Variants in SLC16A5 observed in about 807,000 individuals in gnomAD.
The protein encoded by SLC16A5 is solute carrier family 16 member 5.
SLC16A5 carries 29 observed loss-of-function variants against 33.2 expected under a neutral mutation model. That is an observed-to-expected ratio of 0.87 (90% CI 0.65 to 1.19). SLC16A5 has a LOEUF of 1.19. Ranked by LOEUF, SLC16A5 falls within the 50% of genes most tolerant of loss-of-function variation. The pLI is 0.00. For missense variants in SLC16A5, 606 were observed against 678.2 expected, an observed-to-expected ratio of 0.89 and a Z score of 1.18; for synonymous variants, 248 against 284.1, an observed-to-expected ratio of 0.87 and a Z score of 1.28.
chr17:75,097,451 A>C (rs905709276), intron 3 of SLC16A5, among the ~76,000 whole-genome samples: 12 of 142,464 alleles, frequency 8.4e-5, no homozygotes, highest in African/African-American at 3.1e-4. Flanking sequence ...GGAGGGGAGA[A>C]CCTACCCTGC....
At chr17:75,096,976 C>A (rs992038777) in intron 3 of SLC16A5, among the ~76,000 whole-genome samples, 1 of 151,164 alleles carries the variant, frequency 6.6e-6, no homozygotes, top group African/African-American at 2.4e-5. Flanking sequence ...CAGGCACGCA[C>A]CACCATGCCT....
chr17:75,104,352 A>C, intron 6 of SLC16A5, 172 bp downstream of exon 6: 1 of 1,434,348 alleles, frequency 7.0e-7, no homozygotes, highest in East Asian at 2.6e-5. Flanking sequence ...AGGCTCTGCA[A>C]GCTGGGACTC....
At chr17:75,087,816 GGA>G (rs1397923755), upstream of SLC16A5, 2 of 152,612 alleles carry the variant, frequency 1.3e-5, no homozygotes, top group Non-Finnish European at 2.9e-5. Flanking sequence ...CCCTGCTGCT[GGA>G]CTGTCCCCGG....
Position 75,100,850 on chromosome 17 carries a change from G to A in SLC16A5, c.1153+34G>A, listed in dbSNP as rs376293724. 4.8e-5 allele frequency: 73 copies of A among 1,520,348 alleles called. 1 individual carries two copies. The Admixed American group carries it at 1.4e-3, about 29-fold the overall frequency. 94.2% of individuals were successfully genotyped at this position (1,520,348 alleles called of 1,614,324 possible). ...CTGGGAGGGAGGGCAGCCAGATAGT[G>A]TGGTAAAAGGGGAACAGTTTAGACA... is the stretch of plus-strand genomic sequence containing the variant. On this transcript the variant is annotated intron_variant, in intron 5 of 6. Transcript: ENST00000329783.
intron 2 of SLC16A5, 99 bp from the exon 3 acceptor site, chr17:75,093,489 AT>A: frequency 6.5e-7 from 1 of 1,536,460 alleles, no homozygotes. Context: ...GTACTTGGGT[AT>A]GAGGAAGGGA....
intron 6 of SLC16A5, chr17:75,104,415 CTTTTT>C (rs577017676): frequency 7.9e-4 from 790 of 999,694 alleles, no homozygotes; most frequent in Admixed American, 2.2e-3. Context: ...CTGAGAAACT[CTTTTT>C]TTTTTTTTTT....
chr17:75,097,336 T>C (rs1279788281), intron 3 of SLC16A5, among the ~76,000 whole-genome samples: 1 of 151,428 alleles, frequency 6.6e-6, no homozygotes, highest in African/African-American at 2.4e-5. Flanking sequence ...TTTTTTGGGG[T>C]GTGGATTGGT....
chr17:75,095,457 C>T (rs915327363), intron 3 of SLC16A5, among the ~76,000 whole-genome samples: 4 of 152,226 alleles, frequency 2.6e-5, no homozygotes. Context: ...TGAGCCCGTG[C>T]TCATTCAGAG....
chr17:75,105,868 T>G lies in SLC16A5; in HGVS notation c.1365-12T>G. ...AGAAAACCTTATCAGGAGATTTTAT[T>G]TTCATGAACAGGTGCCAGTCTTCCC... On this transcript the variant is annotated splice_polypyrimidine_tract_variant and intron_variant, in intron 6 of 6. Coordinates refer to ENST00000329783, the MANE Select transcript of SLC16A5 (RefSeq NM_004695.4). The G allele has an allele frequency of 1.3e-6, 2 of 1,577,996 alleles. No homozygotes were observed. Among genetic ancestry groups the G allele is most frequent in the Non-Finnish European group, 1.7e-6 (2 of 1,158,034 alleles).
At chr17:75,105,522 G>A (rs9912861) in intron 6 of SLC16A5, 17,433 of 985,226 alleles carry the variant, frequency 0.018, 173 homozygotes, top group Non-Finnish European at 0.019. Flanking sequence ...CCTGCTCCCC[G>A]TACACCTGTG....
intron 2 of SLC16A5, chr17:75,089,900 G>A (rs927471931): frequency 1.3e-5 from 2 of 152,076 alleles, no homozygotes; most frequent in African/African-American, 2.4e-5. Context: ...AGGAGGGAAA[G>A]AGTAGAACAA....
intron 3 of SLC16A5, 91 bp from the exon 4 acceptor site, chr17:75,097,947 G>A: frequency 6.9e-7 from 1 of 1,452,468 alleles, no homozygotes; most frequent in Non-Finnish European, 9.1e-7. Context: ...CACCTGGCTA[G>A]TTCCAGCTGG....
At chr17:75,088,578 GCTGCT>G (rs1291803899) in intron 1 of SLC16A5, among the ~76,000 whole-genome samples, 1 of 152,146 alleles carries the variant, frequency 6.6e-6, no homozygotes, top group African/African-American at 2.4e-5. Context: ...GCCTGCCCTT[GCTGCT>G]CTCTGCTGGA....
chr17:75,108,113 A>AG (rs2073876967), downstream of SLC16A5, among the ~76,000 whole-genome samples: 1 of 152,132 alleles, frequency 6.6e-6, no homozygotes. Context: ...AAAGAAAAAA[A>AG]GGGAGAAGAC....
intron 2 of SLC16A5, chr17:75,093,338 C>G: frequency 7.0e-7 from 1 of 1,432,074 alleles, no homozygotes; most frequent in Non-Finnish European, 9.5e-7. Flanking sequence ...CCCGTCCTGT[C>G]CCTCCTATCC....
intron 4 of SLC16A5, 51 bp from the exon 5 acceptor site, chr17:75,099,956 G>A: frequency 6.5e-7 from 1 of 1,541,236 alleles, no homozygotes; most frequent in Non-Finnish European, 8.7e-7. Context: ...CCTGGGTGCA[G>A]GTGGAAGGCC....
intron 6 of SLC16A5, chr17:75,105,647 G>A: frequency 3.0e-6 from 3 of 985,398 alleles, no homozygotes; most frequent in South Asian, 4.7e-5. Flanking sequence ...AGGGTACCGA[G>A]GGAATGATAA....
Position 75,104,103 on chromosome 17 carries a change from C to G in SLC16A5, c.1287C>G (p.Val429=), listed in dbSNP as rs535752297. Residue 429 remains valine (V), a synonymous_variant, in exon 6 of 7, where the codon GTC becomes GTG. Transcript: ENST00000329783. ...AGAAGGAGCAAGGCAAGCAGGCTGT[C>G]GCGGCGGATGCCCTGGAGCGGGATC... ...LQKKEQGKQA[V]AADALERDLF... 3.7e-6 allele frequency: 6 copies of G among 1,614,206 alleles called. No individual in the cohort carries two copies. Among genetic ancestry groups the G allele is most frequent in the Non-Finnish European group, 5.1e-6 (6 of 1,180,046 alleles).
At chr17:75,098,975 A>AT (rs146640521) in intron 4 of SLC16A5, among the ~76,000 whole-genome samples, 2,318 of 152,224 alleles carry the variant, frequency 0.015, 26 homozygotes, top group Non-Finnish European at 0.026. Flanking sequence ...GCAAGGCATG[A>AT]TTGAGGGAGC....
Sources: gnomAD v4.1 joint callset for allele counts (sites outside exome capture counted in the v4.1 genomes callset) on GRCh38, gnomAD v4.1.1 for gene constraint, MANE v1.5 for transcripts, NCBI Gene and HGNC (gene_info 2026-07-23, HGNC 2026-07-21) for gene names.